Variants in PLCB1 observed in about 807,000 individuals in gnomAD.
The protein encoded by PLCB1 is phospholipase C beta 1.
Under a neutral mutation model 161.8 loss-of-function variants are expected in PLCB1, and 46 were observed. The ratio of observed to expected loss-of-function variants is 0.28; its 90% confidence interval spans 0.22 to 0.36. PLCB1 has a LOEUF of 0.36. Ranked by LOEUF, PLCB1 falls within the 10% of genes least tolerant of loss-of-function variation. PLCB1 has a pLI of 1.00. For missense variants in PLCB1, 1,016 were observed against 1,472.5 expected, an observed-to-expected ratio of 0.69 and a Z score of 5.07; for synonymous variants, 517 against 503.7, an observed-to-expected ratio of 1.03 and a Z score of -0.35.
At chr20:8,487,227 T>C (rs1243685186) in intron 3 of PLCB1, among the ~76,000 whole-genome samples, 1 of 152,246 alleles carries the variant, frequency 6.6e-6, no homozygotes, top group East Asian at 1.9e-4. Flanking sequence ...GTTCACATTT[T>C]TTTACACTTG....
chr20:8,445,333 G>A (rs1251324127), intron 3 of PLCB1, among the ~76,000 whole-genome samples: 1 of 152,108 alleles, frequency 6.6e-6, no homozygotes, highest in East Asian at 1.9e-4. Flanking sequence ...TTTTTGTCAG[G>A]TTTGTCAAAG....
intron 2 of PLCB1, among the ~76,000 whole-genome samples, chr20:8,214,101 C>T (rs1600238280): frequency 6.6e-6 from 1 of 152,228 alleles, no homozygotes. Context: ...AGGTAAAGAG[C>T]AGTCTTACAC....
At chr20:8,252,709 T>G (rs768349053) in intron 2 of PLCB1, among the ~76,000 whole-genome samples, 17 of 130,894 alleles carry the variant, frequency 1.3e-4, no homozygotes, top group Non-Finnish European at 2.7e-4. Context: ...TGTCCCTTAC[T>G]CACCCCTGCT....
chr20:8,209,430 T>C lies in PLCB1; in HGVS notation c.177+59059T>C, dbSNP rs1978703353. On this transcript the variant is annotated intron_variant, in intron 2 of 31. Transcript: ENST00000338037. ...TTAGTTATTGTCTTCAAACAATTGG[T>C]ATTGTAAAATGTGACTTAGGAACAG... 2.6e-5 allele frequency among the ~76,000 whole-genome samples: 4 copies of C among 152,188 alleles called. No individual in the cohort carries two copies. In the South Asian group the frequency reaches 8.3e-4, roughly 31 times the overall value.
At chr20:8,529,359 C>T (rs955079592) in intron 3 of PLCB1, among the ~76,000 whole-genome samples, 5 of 152,016 alleles carry the variant, frequency 3.3e-5, no homozygotes, top group Admixed American at 6.6e-5. Context: ...TTTTACTCCT[C>T]CTCCTCAAAG....
intron 2 of PLCB1, among the ~76,000 whole-genome samples, chr20:8,325,572 A>G (rs1183037902): frequency 6.6e-6 from 1 of 152,176 alleles, no homozygotes; most frequent in South Asian, 2.1e-4. Context: ...GAAATTTATC[A>G]TGTATTAATT....
chr20:8,795,734 G>T (rs1167681585), intron 31 of PLCB1, among the ~76,000 whole-genome samples: 1 of 152,132 alleles, frequency 6.6e-6, no homozygotes, highest in African/African-American at 2.4e-5. Context: ...AATTAGCCAG[G>T]TGTGGTGGTG....
intron 31 of PLCB1, among the ~76,000 whole-genome samples, chr20:8,793,853 T>TGGGA (rs1983889183): frequency 1.3e-5 from 2 of 152,196 alleles, no homozygotes; most frequent in African/African-American, 2.4e-5. Context: ...GGGAGCACTA[T>TGGGA]GGGAGACTGG....
chr20:8,391,529 C>A (rs754140729), intron 3 of PLCB1, among the ~76,000 whole-genome samples: 2 of 151,890 alleles, frequency 1.3e-5, no homozygotes, highest in African/African-American at 2.4e-5. Context: ...GGTTAGGGGT[C>A]AGAGAGACCC....
At chr20:8,462,272 T>C (rs1158494182) in intron 3 of PLCB1, among the ~76,000 whole-genome samples, 1 of 152,156 alleles carries the variant, frequency 6.6e-6, no homozygotes, top group African/African-American at 2.4e-5. Flanking sequence ...CTTTAAGCTC[T>C]TTTACTGTCT....
intron 3 of PLCB1, among the ~76,000 whole-genome samples, chr20:8,387,995 A>AAAG (rs1261578581): frequency 2.0e-5 from 3 of 151,538 alleles, no homozygotes; most frequent in African/African-American, 7.3e-5. Flanking sequence ...AAAAAAAAAA[A>AAAG]AAGAAGAAAC....
chr20:8,679,325 A>G (rs551286555), intron 9 of PLCB1, among the ~76,000 whole-genome samples: 4 of 152,306 alleles, frequency 2.6e-5, no homozygotes, highest in South Asian at 4.2e-4. Flanking sequence ...CCACTCCACA[A>G]TGCTCTTCTA....
chr20:8,698,903 T>C (rs1182493493), intron 11 of PLCB1, among the ~76,000 whole-genome samples: 3 of 152,184 alleles, frequency 2.0e-5, no homozygotes, highest in African/African-American at 7.2e-5. Context: ...CCCTTAGCTC[T>C]ATTTTGCACC....
At chr20:8,193,754 C>T (rs1461708733) in intron 2 of PLCB1, among the ~76,000 whole-genome samples, 1 of 151,864 alleles carries the variant, frequency 6.6e-6, no homozygotes, top group Non-Finnish European at 1.5e-5. Flanking sequence ...TTTATTCTCC[C>T]AATTGTTTTT....
chr20:8,586,759 T>A (rs541083741), intron 3 of PLCB1, among the ~76,000 whole-genome samples: 20 of 152,320 alleles, frequency 1.3e-4, no homozygotes, highest in African/African-American at 4.8e-4. Context: ...AAGATTCTCA[T>A]AAATGTACAT....
intron 31 of PLCB1, among the ~76,000 whole-genome samples, chr20:8,868,512 C>T (rs982694282): frequency 6.6e-6 from 1 of 152,244 alleles, no homozygotes; most frequent in African/African-American, 2.4e-5. Flanking sequence ...TTATATTCCC[C>T]TCAACACACA....
At chr20:8,660,859 G>A (rs1989602862) in intron 9 of PLCB1, among the ~76,000 whole-genome samples, 1 of 152,060 alleles carries the variant, frequency 6.6e-6, no homozygotes, top group African/African-American at 2.4e-5. Context: ...GTATAAAGAA[G>A]CAACATAGAA....
chr20:8,671,292 A>C (rs1393755462), intron 9 of PLCB1, among the ~76,000 whole-genome samples: 1 of 152,206 alleles, frequency 6.6e-6, no homozygotes, highest in African/African-American at 2.4e-5. Context: ...TATTTTTTAA[A>C]GCTAACCTGC....
chr20:8,376,344 G>GT (rs1253231895), intron 3 of PLCB1, among the ~76,000 whole-genome samples: 2 of 152,128 alleles, frequency 1.3e-5, no homozygotes, highest in African/African-American at 2.4e-5. Flanking sequence ...GTTGTATGTA[G>GT]TATCACCAGA....
Sources: gnomAD v4.1 joint callset for allele counts (sites outside exome capture counted in the v4.1 genomes callset) on GRCh38, gnomAD v4.1.1 for gene constraint, MANE v1.5 for transcripts, NCBI Gene and HGNC (gene_info 2026-07-23, HGNC 2026-07-21) for gene names.